SHFL: variants seen among roughly 807,000 people sequenced by gnomAD.
SHFL encodes shiftless antiviral inhibitor of ribosomal frameshifting protein.
SHFL carries 12 observed loss-of-function variants against 34.7 expected under a neutral mutation model. The ratio of observed to expected loss-of-function variants is 0.35; its 90% CI spans 0.22 to 0.56. The LOEUF (loss-of-function observed/expected upper bound fraction) is 0.56, where lower values mean the gene tolerates loss of function less well. Ranked by LOEUF, SHFL falls within the 20% of genes least tolerant of loss-of-function variation. SHFL has a pLI of 0.88. For synonymous variants in SHFL, 148 were observed against 156.0 expected (o/e 0.95, Z 0.38); for missense variants, 278 against 411.1 (o/e 0.68, Z 2.80).
Position 10,091,788 on chromosome 19 carries a change from G to T in SHFL, c.643+158G>T. 1 of 1,139,530 alleles carries T rather than the reference G, an allele frequency of 8.8e-7. No homozygotes were observed. Among genetic ancestry groups the T allele is most frequent in the Non-Finnish European group, 1.2e-6 (1 of 827,108 alleles). The allele number at this position is 1,139,530 out of a possible 1,614,324, so 70.6% of individuals were successfully genotyped here. ...CCAGTCTCCGTGGTCTTGCCCAGGA[G>T]GCTCTGAGGTTTCACCCCAGTGGCC... On this transcript the variant is annotated intron_variant, in intron 7 of 7. Transcript: ENST00000253110. This position sits in a 1 kb window ranked among gnomAD's most constrained non-coding sequence, Gnocchi z 8.2.
At chr19:10,090,916 A>G (rs972762633) in intron 5 of SHFL, among the ~76,000 whole-genome samples, 5 of 151,626 alleles carry the variant, frequency 3.3e-5, no homozygotes, top group East Asian at 1.9e-4. Flanking sequence ...TCTAAAAAAA[A>G]AAAGAAAGAA....
chr19:10,088,716 C>T (rs558705099), intron 3 of SHFL, among the ~76,000 whole-genome samples: 3 of 152,054 alleles, frequency 2.0e-5, no homozygotes, highest in East Asian at 1.9e-4. Context: ...GAGGTTGAGG[C>T]GGGCAGATCA....
In SHFL at chr19:10,089,258, C is replaced by A. The variant is rs1391486252; in HGVS notation, c.196-399C>A. 3 of 1,567,646 alleles carry A rather than the reference C, an allele frequency of 1.9e-6. No individual in the cohort carries two copies. In the African/African-American group the frequency reaches 4.0e-5, roughly 21 times the overall value. On this transcript the variant is annotated intron_variant, in intron 3 of 7. Transcript: ENST00000253110. Reference sequence around the variant, plus strand: ...GAGTGGCTTGCCCAAGTCCCCACAGCTGGAAGTGATACAGCTGGGATTTGA... The same window carrying A: ...GAGTGGCTTGCCCAAGTCCCCACAGATGGAAGTGATACAGCTGGGATTTGA...
At chr19:10,087,423 AT>A (rs1248666502) in intron 3 of SHFL, 123 bp downstream of exon 3, 1 of 998,898 alleles carries the variant, frequency 1.0e-6, no homozygotes, top group Non-Finnish European at 1.5e-6. Flanking sequence ...TTGTCGGTCC[AT>A]AACTCATCAC....
chr19:10,090,256 C>T (rs2088357375), intron 5 of SHFL: 1 of 600,208 alleles, frequency 1.7e-6, no homozygotes, highest in Admixed American at 3.0e-5. Flanking sequence ...CCCAATACCT[C>T]CTTACCCCAG....
At position 10,086,475 on chromosome 19, in the gene SHFL, G is replaced by T. The variant is rs898465220; in HGVS notation, c.21+27G>T. ...TAAGCGATGGCTACGGCTGGGCCGG[G>T]GTCAGCCGCGACAGACCCCGAGGAG... On this transcript the variant is annotated intron_variant, in intron 1 of 7. Transcript: ENST00000253110. This position sits in a 1 kb window ranked among gnomAD's most constrained non-coding sequence, Gnocchi z 5.2. The T allele has an allele frequency of 7.3e-7, 1 of 1,364,348 alleles. No homozygotes were observed. The allele number at this position is 1,364,348 out of a possible 1,614,324, so 84.5% of individuals were successfully genotyped here.
rs375964263 is a variant in SHFL, at chr19:10,092,261, G to C, written c.835G>C (p.Glu279Gln). The C allele has an allele frequency of 1.9e-6, 3 of 1,605,784 alleles. No homozygotes were observed. The highest frequency in any genetic ancestry group is 2.6e-6 in the Non-Finnish European group (3 of 1,176,292). ...LEDLKEEEEE[E>Q]EEVEDEEGGP... ...GGACCTGAAGGAGGAGGAGGAGGAA[G>C]AGGAGGAGGTGGAGGACGAGGAGGG... is the stretch of plus-strand genomic sequence containing the variant. Residue 279 changes from glutamate (E) to glutamine (Q), a missense_variant, in exon 8 of 8, where the codon GAG becomes CAG. Coordinates refer to ENST00000253110, the MANE Select transcript of SHFL (RefSeq NM_018381.4).
intron 7 of SHFL, 29 bp from the exon 8 acceptor site, chr19:10,092,041 C>T: frequency 6.2e-7 from 1 of 1,613,650 alleles, no homozygotes; most frequent in Non-Finnish European, 8.5e-7. Context: ...ACCTCCAGCC[C>T]CATGTCTGCA....
chr19:10,092,388 T>C lies in SHFL; in HGVS notation c.*86T>C, dbSNP rs1184230981. 3.0e-6 allele frequency: 4 copies of C among 1,339,976 alleles called. No individual in the cohort carries two copies. Among genetic ancestry groups the C allele is most frequent in the African/African-American group, 1.5e-5 (1 of 67,416 alleles). 83.0% of individuals were successfully genotyped at this position (1,339,976 alleles called of 1,614,324 possible). The stretch of plus-strand genomic sequence containing the variant: ...ATATGAGCTCAAACCGAGATATGAA[T>C]GACCTTGGGGAGCCATCTGAGGCCA... On this transcript the variant is annotated 3_prime_UTR_variant, in exon 8 of 8. Transcript: ENST00000253110.
chr19:10,087,586 C>T (rs2088308371), intron 3 of SHFL: 2 of 493,518 alleles, frequency 4.1e-6, no homozygotes, highest in South Asian at 2.3e-5. Context: ...ATAGCGGGGG[C>T]GCAGAGGTCA....
Position 10,086,745 on chromosome 19 carries a change from C to G in SHFL, c.22-184C>G. The G allele has an allele frequency of 1.6e-5, 12 of 758,058 alleles. No homozygotes were observed. Among genetic ancestry groups the G allele is most frequent in the Non-Finnish European group, 2.5e-5 (12 of 476,418 alleles). 47.0% of individuals were successfully genotyped at this position (758,058 alleles called of 1,614,324 possible). A position where few individuals can be genotyped will look rare whatever the true frequency, so the allele number is the denominator to read the frequency against. On this transcript the variant is annotated intron_variant, in intron 1 of 7. Transcript: ENST00000253110. This position sits in a 1 kb window ranked among gnomAD's most constrained non-coding sequence, Gnocchi z 5.2. ...ACGCTCGCCCCAGTCCGCGCCTTCC[C>G]CCAACGCCCTGTGGGGACTTTGGCT...
Position 10,087,274 on chromosome 19 carries a change from G to T in SHFL, c.169G>T (p.Glu57Ter). The change falls in exon 3 of 8, where the codon GAA becomes TAA. Residue 57 changes from glutamate to a stop codon, truncating the protein, a stop_gained. Transcript: ENST00000253110. LOFTEE classifies it high-confidence loss of function. ...AGGGGTAAAGCAAAAAGATGGCCAA[G>T]AACTAAGTAACGATCTGGATGCCCA... ...VYGVKQKDGQ[E>*]LSNDLDAQDP... is the part of the protein sequence containing the mutation. 1 of 1,614,072 alleles carries T rather than the reference G, an allele frequency of 6.2e-7. No homozygotes were observed. The highest frequency in any genetic ancestry group is 8.5e-7 in the Non-Finnish European group (1 of 1,179,902).
At position 10,092,892 on chromosome 19, in the gene SHFL, T is replaced by C. The variant is rs1398594362; in HGVS notation, c.*590T>C. ...CCTGGCCCCTCCCATTCTTATTGAA[T>C]ACAAGCCCTGATCTTCCATCTCCTC... is the stretch of plus-strand genomic sequence containing the variant. On this transcript the variant is annotated 3_prime_UTR_variant, in exon 8 of 8. Coordinates refer to ENST00000253110, the MANE Select transcript of SHFL (RefSeq NM_018381.4). The C allele has an allele frequency of 1.2e-5, 11 of 885,100 alleles. No individual in the cohort carries two copies. The highest frequency in any genetic ancestry group is 1.7e-5 in the African/African-American group (1 of 58,362). The allele number at this position is 885,100 out of a possible 1,614,324, so 54.8% of individuals were successfully genotyped here. A position where few individuals can be genotyped will look rare whatever the true frequency, so the allele number is the denominator to read the frequency against.
In SHFL at chr19:10,091,401, C is replaced by G. The variant is rs1250614596; in HGVS notation, c.488+48C>G. The stretch of plus-strand genomic sequence containing the variant: ...CCCCCTCAGCCCTGCCCTACCCCAG[C>G]CCTGCCCCTCCCTGCCCTGGCCCCA... On this transcript the variant is annotated intron_variant, in intron 6 of 7. Transcript: ENST00000253110. This position sits in a 1 kb window ranked among gnomAD's most constrained non-coding sequence, Gnocchi z 8.2. 6.4e-7 allele frequency: 1 copy of G among 1,565,610 alleles called. No individual in the cohort carries two copies. The highest frequency in any genetic ancestry group is 1.1e-5 in the South Asian group (1 of 87,518).
In SHFL at chr19:10,086,848, C is replaced by A; in HGVS notation, c.22-81C>A. 3 of 1,528,156 alleles carry A rather than the reference C, an allele frequency of 2.0e-6. No individual in the cohort carries two copies. Among genetic ancestry groups the A allele is most frequent in the South Asian group, 1.2e-5 (1 of 83,312 alleles). 94.7% of individuals were successfully genotyped at this position (1,528,156 alleles called of 1,614,324 possible). The stretch of plus-strand genomic sequence containing the variant: ...CCAAAACCAAGGGTCAAGTTCGGGC[C>A]GGGAGAACGGTGCCTAGAGATGGGG... On this transcript the variant is annotated intron_variant, in intron 1 of 7. Transcript: ENST00000253110. This position sits in a 1 kb window ranked among gnomAD's most constrained non-coding sequence, Gnocchi z 5.2.
rs2088418642 is a variant in SHFL at position 10,092,668 on chromosome 19, C to T, written c.*366C>T. The T allele has an allele frequency of 6.2e-7, 1 of 1,614,078 alleles. No homozygotes were observed. Among genetic ancestry groups the T allele is most frequent in the South Asian group, 1.1e-5 (1 of 91,072 alleles). On this transcript the variant is annotated 3_prime_UTR_variant, in exon 8 of 8. Coordinates refer to ENST00000253110, the MANE Select transcript of SHFL (RefSeq NM_018381.4). ...ACCACGAAACTCAGCCCAGTAGACACCATCCTGGTAGCGGCTTCGGTAGTG... is the reference window on the plus strand; with the variant it reads ...ACCACGAAACTCAGCCCAGTAGACATCATCCTGGTAGCGGCTTCGGTAGTG...
At chr19:10,089,601 G>A (rs1175731000) in intron 3 of SHFL, 56 bp from the exon 4 acceptor site, 2 of 1,559,494 alleles carry the variant, frequency 1.3e-6, no homozygotes, top group African/African-American at 1.4e-5. Flanking sequence ...CCAGCAAACG[G>A]GTGGAAAGAG....
At chr19:10,088,393 TC>T in intron 3 of SHFL, 1 of 148,062 alleles carries the variant, frequency 6.8e-6, no homozygotes, top group Non-Finnish European at 1.5e-5. Context: ...TGAAACCCCA[TC>T]TATACTAAAA....
Position 10,092,697 on chromosome 19 carries a change from GC to G in SHFL, c.*397del. 1 of 1,613,968 alleles carries G rather than the reference GC, an allele frequency of 6.2e-7. No homozygotes were observed. ...CCTGGTAGCGGCTTCGGTAGTGGCC[GC>G]CGTGGTGCCACACACCGTTGAGGTT... On this transcript the variant is annotated 3_prime_UTR_variant, in exon 8 of 8. Transcript: ENST00000253110.
Sources: gnomAD v4.1 joint callset for allele counts (sites outside exome capture counted in the v4.1 genomes callset) on GRCh38, gnomAD v4.1.1 for gene constraint, Gnocchi (gnomAD v3.1) non-coding constraint, MANE v1.5 for transcripts, NCBI Gene and HGNC (gene_info 2026-07-23, HGNC 2026-07-21) for gene names.